The following ORC3 variants were observed in gnomAD, a reference collection of about 807,000 sequenced individuals.
ORC3 encodes the protein origin recognition complex subunit 3.
In ORC3, 78 loss-of-function variants were observed where a neutral mutation model predicts 100.7. That is an observed-to-expected ratio of 0.77 (90% CI 0.65 to 0.94). The LOEUF (loss-of-function observed/expected upper bound fraction) is 0.94, where lower values mean the gene tolerates loss of function less well. ORC3 is among the 40% of genes least tolerant of loss of function. ORC3 has a pLI of 0.00. For missense variants in ORC3, 789 were observed against 823.9 expected, an observed-to-expected ratio of 0.96 and a Z score of 0.52; for synonymous variants, 295 against 289.3, an observed-to-expected ratio of 1.02 and a Z score of -0.20.
chr6:87,632,388 G>A (rs1280455439), intron 11 of ORC3, among the ~76,000 whole-genome samples: 1 of 135,320 alleles, frequency 7.4e-6, no homozygotes, highest in African/African-American at 2.7e-5. Context: ...GAAGATCTGG[G>A]ATGGTCAAAA....
At chr6:87,645,271 G>A (rs575425645) in intron 13 of ORC3, among the ~76,000 whole-genome samples, 1 of 152,302 alleles carries the variant, frequency 6.6e-6, no homozygotes, top group East Asian at 1.9e-4. Flanking sequence ...GTCAGGGCTA[G>A]GGTGCTGAGG....
chr6:87,667,024 G>A lies in ORC3; in HGVS notation c.2037G>A (p.Arg679=), dbSNP rs775883372. 4 of 1,605,290 alleles carry A rather than the reference G, an allele frequency of 2.5e-6. No homozygotes were observed. Among genetic ancestry groups the A allele is most frequent in the African/African-American group, 2.7e-5 (2 of 74,434 alleles). ...SEEMNEIIHA[R]FIRAVSELEL... ...CCTTAATTAAAGCCTCCAGTGCTCG[G>A]TTTATTAGAGCTGTTTCTGAACTAG... Residue 679 remains arginine, a synonymous_variant, in exon 20 of 20, where the codon CGG becomes CGA. Transcript: ENST00000392844.
intron 17 of ORC3, among the ~76,000 whole-genome samples, chr6:87,664,345 T>C (rs545495401): frequency 6.6e-6 from 1 of 152,272 alleles, no homozygotes; most frequent in East Asian, 1.9e-4. Context: ...TAAGTGGTAT[T>C]AGTATTTACT....
rs866547305 is a variant in ORC3 at position 87,627,358 on chromosome 6, C to T, written c.1185+5345C>T. Among the ~76,000 whole-genome samples the T allele has an allele frequency of 1.2e-4, 14 of 115,980 alleles. No individual in the cohort carries two copies. In the South Asian group the frequency reaches 2.2e-3, roughly 18 times the overall value. 76.1% of individuals were successfully genotyped at this position (115,980 alleles called of 152,430 possible). ...TCGCCCAGGCTAGAGTGTAGTGGCACGATCTCAGCTCACTGCAACCTCCAC... is the reference window on the plus strand; with the variant it reads ...TCGCCCAGGCTAGAGTGTAGTGGCATGATCTCAGCTCACTGCAACCTCCAC... On this transcript the variant is annotated intron_variant, in intron 11 of 19. Coordinates refer to ENST00000392844, the MANE Select transcript of ORC3 (RefSeq NM_012381.4).
intron 11 of ORC3, among the ~76,000 whole-genome samples, chr6:87,623,446 T>G (rs1159666621): frequency 6.6e-6 from 1 of 152,234 alleles, no homozygotes; most frequent in African/African-American, 2.4e-5. Flanking sequence ...TAGCTCTCTG[T>G]TGAGTCAGCT....
In ORC3 at chr6:87,638,299, C is replaced by T. The variant is rs568973196; in HGVS notation, c.1382+1813C>T. Among the ~76,000 whole-genome samples, 23 of 152,216 alleles carry T rather than the reference C, an allele frequency of 1.5e-4. 1 individual carries two copies. In the East Asian group the frequency reaches 4.3e-3, roughly 28 times the overall value. Reference sequence around the variant, plus strand: ...CTCTGGGCTGGAATCAGCCTTTTCTCCTTTGTACAGATTTGATGTAGAGCA... The same window carrying T: ...CTCTGGGCTGGAATCAGCCTTTTCTTCTTTGTACAGATTTGATGTAGAGCA... On this transcript the variant is annotated intron_variant, in intron 13 of 19. Coordinates refer to ENST00000392844, the MANE Select transcript of ORC3 (RefSeq NM_012381.4).
chr6:87,609,632 G>T (rs1161285414), intron 7 of ORC3: 1 of 152,120 alleles, frequency 6.6e-6, no homozygotes, highest in South Asian at 2.1e-4. Context: ...TCGGCTCACT[G>T]CAGCCTCCGC....
chr6:87,619,038 C>T (rs966641893), intron 9 of ORC3, among the ~76,000 whole-genome samples: 1 of 151,960 alleles, frequency 6.6e-6, no homozygotes, highest in Non-Finnish European at 1.5e-5. Context: ...TAAAAGGTGG[C>T]AGTTAAAATA....
chr6:87,598,728 A>G (rs1777656085), intron 2 of ORC3, among the ~76,000 whole-genome samples: 1 of 151,994 alleles, frequency 6.6e-6, no homozygotes, highest in Non-Finnish European at 1.5e-5. Context: ...TCTTTGAGGA[A>G]TTGACCCTGA....
intron 18 of ORC3, 78 bp downstream of exon 18, chr6:87,664,937 T>C: frequency 1.2e-6 from 1 of 822,020 alleles, no homozygotes; most frequent in Non-Finnish European, 2.0e-6. Context: ...TTTTATACTT[T>C]TAGTGCTTTG....
At chr6:87,598,071 C>T (rs1357873985) in intron 2 of ORC3, among the ~76,000 whole-genome samples, 1 of 152,186 alleles carries the variant, frequency 6.6e-6, no homozygotes, top group African/African-American at 2.4e-5. Flanking sequence ...ACTCTGTCAC[C>T]CAGGCTGGAG....
chr6:87,641,171 G>A (rs1768222388), intron 13 of ORC3, among the ~76,000 whole-genome samples: 5 of 152,124 alleles, frequency 3.3e-5, no homozygotes, highest in Admixed American at 3.3e-4. Context: ...GATCTGAAGA[G>A]TACTACACTC....
At chr6:87,604,756 C>A (rs1174171424) in intron 4 of ORC3, among the ~76,000 whole-genome samples, 1 of 152,010 alleles carries the variant, frequency 6.6e-6, no homozygotes, top group Non-Finnish European at 1.5e-5. Context: ...TAATCATAGA[C>A]CATAATGCAT....
intron 5 of ORC3, among the ~76,000 whole-genome samples, chr6:87,606,686 C>T (rs531045259): frequency 2.6e-5 from 4 of 152,198 alleles, no homozygotes; most frequent in Admixed American, 1.3e-4. Flanking sequence ...CATGCCATTA[C>T]GCTCAGCTAC....
At chr6:87,647,054 G>A (rs916617420) in intron 13 of ORC3, among the ~76,000 whole-genome samples, 1 of 152,130 alleles carries the variant, frequency 6.6e-6, no homozygotes, top group Non-Finnish European at 1.5e-5. Flanking sequence ...AGTCATCGTC[G>A]TTGCTCACCT....
intron 9 of ORC3, among the ~76,000 whole-genome samples, chr6:87,620,426 A>G (rs1210685705): frequency 2.0e-5 from 3 of 152,208 alleles, no homozygotes; most frequent in Admixed American, 2.0e-4. Flanking sequence ...GATTTCCTCT[A>G]GCCTTGGGTA....
At chr6:87,603,278 T>C (rs904242130) in intron 3 of ORC3, 106 bp from the exon 4 acceptor site, 37 of 581,334 alleles carry the variant, frequency 6.4e-5, no homozygotes, top group Non-Finnish European at 8.8e-5. Flanking sequence ...GGTTCATCTT[T>C]TGATCATTTT....
intron 1 of ORC3, among the ~76,000 whole-genome samples, chr6:87,593,854 G>T (rs965662110): frequency 5.3e-5 from 8 of 152,212 alleles, no homozygotes; most frequent in African/African-American, 1.9e-4. Flanking sequence ...ACACCAACAC[G>T]CCTGGCTAAT....
chr6:87,602,954 AATATATATATATATATACAT>A (rs1778054692), intron 3 of ORC3, among the ~76,000 whole-genome samples: 2 of 95,298 alleles, frequency 2.1e-5, no homozygotes, highest in African/African-American at 8.4e-5. Flanking sequence ...ACACATATAT[AATATATATATATATATACAT>A]ATATATATAC....
Sources: allele counts gnomAD v4.1 joint callset (sites outside exome capture counted in the v4.1 genomes callset), GRCh38; gene constraint gnomAD v4.1.1; transcripts MANE v1.5; gene names NCBI Gene and HGNC (gene_info 2026-07-23, HGNC 2026-07-21).